The following CNTN4 variants were observed in gnomAD, a reference collection of about 807,000 sequenced individuals.
CNTN4 encodes contactin-4.
In CNTN4, 77 loss-of-function variants were observed where a neutral mutation model predicts 122.5. The observed-to-expected ratio is 0.63, with a 90% CI of 0.52 to 0.76. CNTN4 has a LOEUF of 0.76. Ranked by LOEUF, CNTN4 falls within the 30% of genes least tolerant of loss-of-function variation. The pLI is 0.00. For synonymous variants in CNTN4, 512 were observed against 447.0 expected, an observed-to-expected ratio of 1.15 and a Z score of -1.83; for missense variants, 1,256 against 1,259.1, an observed-to-expected ratio of 1.00 and a Z score of 0.04.
At chr3:2,318,646 G>GTGTGT (rs1050749289) in intron 2 of CNTN4, among the ~76,000 whole-genome samples, 8 of 151,964 alleles carry the variant, frequency 5.3e-5, no homozygotes, top group African/African-American at 1.9e-4. Flanking sequence ...GTGTATGCAT[G>GTGTGT]TGTGTTGTGT....
chr3:2,681,575 G>A (rs2600285), intron 4 of CNTN4, among the ~76,000 whole-genome samples: 69,903 of 151,894 alleles, frequency 0.46, 17,888 homozygotes, highest in African/African-American at 0.69. Context: ...TAAATACCTA[G>A]ATATGTAGGT....
intron 4 of CNTN4, among the ~76,000 whole-genome samples, chr3:2,642,820 A>G (rs969645476): frequency 5.3e-5 from 8 of 152,248 alleles, no homozygotes; most frequent in African/African-American, 1.9e-4. Flanking sequence ...CCACTTGTTG[A>G]AACTTTGTCT....
In CNTN4 at chr3:2,745,663, A is replaced by C. The variant is rs538037892; in HGVS notation, c.324A>C (p.Thr108=). The part of the protein sequence containing the change: ...YQCTATNSFG[T]IVSREAKLQF... ...GCACAGCGACAAACTCGTTTGGAACAATTGTTAGCAGAGAAGCAAAGCTTC... is the reference window on the plus strand; with the variant it reads ...GCACAGCGACAAACTCGTTTGGAACCATTGTTAGCAGAGAAGCAAAGCTTC... The change falls in exon 6 of 25, where the codon ACA becomes ACC. Residue 108 remains threonine, a synonymous_variant. Coordinates refer to ENST00000418658, the MANE Select transcript of CNTN4 (RefSeq NM_175607.3). 34 of 1,614,152 alleles carry C rather than the reference A, an allele frequency of 2.1e-5. No individual in the cohort carries two copies. In the East Asian group the frequency reaches 6.7e-4, roughly 32 times the overall value.
At chr3:3,018,276 G>A (rs1697950595) in intron 14 of CNTN4, among the ~76,000 whole-genome samples, 2 of 152,102 alleles carry the variant, frequency 1.3e-5, no homozygotes, top group African/African-American at 2.4e-5. Context: ...TAAATTTTAG[G>A]GAACTGATAC....
intron 2 of CNTN4, among the ~76,000 whole-genome samples, chr3:2,173,458 T>A (rs565020321): frequency 6.6e-6 from 1 of 152,238 alleles, no homozygotes; most frequent in Non-Finnish European, 1.5e-5. Flanking sequence ...CTTCAGAGTT[T>A]CCACAGTATT....
intron 3 of CNTN4, among the ~76,000 whole-genome samples, chr3:2,531,704 T>C (rs538897156): frequency 3.9e-5 from 6 of 152,180 alleles, no homozygotes; most frequent in Non-Finnish European, 8.8e-5. Context: ...TCCCCTGCTT[T>C]ATATTGTCTT....
intron 2 of CNTN4, among the ~76,000 whole-genome samples, chr3:2,258,854 G>A (rs966078727): frequency 6.6e-6 from 1 of 152,074 alleles, no homozygotes; most frequent in Middle Eastern, 3.4e-3. Context: ...ATTTATGAGG[G>A]CAGAAAACTT....
intron 3 of CNTN4, among the ~76,000 whole-genome samples, chr3:2,433,827 T>G (rs938230185): frequency 6.6e-6 from 1 of 152,196 alleles, no homozygotes; most frequent in Non-Finnish European, 1.5e-5. Flanking sequence ...CCAATTTCAT[T>G]CTACTTGCGA....
At chr3:2,925,252 G>A in intron 12 of CNTN4, among the ~76,000 whole-genome samples, 1 of 152,172 alleles carries the variant, frequency 6.6e-6, no homozygotes, top group East Asian at 1.9e-4. Flanking sequence ...GTAGCAATAA[G>A]TGTATTAGAG....
chr3:2,679,290 A>G (rs1453135778), intron 4 of CNTN4, among the ~76,000 whole-genome samples: 1 of 152,158 alleles, frequency 6.6e-6, no homozygotes, highest in Non-Finnish European at 1.5e-5. Context: ...TAATTATTGG[A>G]ATACCTTGAA....
At chr3:2,334,843 T>A (rs1190794128) in intron 2 of CNTN4, among the ~76,000 whole-genome samples, 1 of 152,168 alleles carries the variant, frequency 6.6e-6, no homozygotes, top group Non-Finnish European at 1.5e-5. Context: ...ACATGTTCGT[T>A]AGAATTATTT....
intron 2 of CNTN4, among the ~76,000 whole-genome samples, chr3:2,170,148 C>T (rs565396640): frequency 2.1e-4 from 31 of 151,156 alleles, no homozygotes; most frequent in African/African-American, 4.9e-4. Flanking sequence ...GGTGAAACCC[C>T]GTCTCTACTA....
intron 6 of CNTN4, among the ~76,000 whole-genome samples, chr3:2,794,890 G>A (rs936762236): frequency 5.9e-5 from 9 of 152,138 alleles, no homozygotes; most frequent in African/African-American, 2.2e-4. Context: ...AGCTCTGTCG[G>A]GCCTATTAGG....
intron 13 of CNTN4, among the ~76,000 whole-genome samples, chr3:2,976,025 A>T (rs1409159769): frequency 6.6e-6 from 1 of 152,222 alleles, no homozygotes; most frequent in African/African-American, 2.4e-5. Context: ...AACAAATTTT[A>T]GGCAAAATGA....
intron 15 of CNTN4, among the ~76,000 whole-genome samples, chr3:3,029,913 C>G (rs1403960268): frequency 6.6e-6 from 1 of 152,086 alleles, no homozygotes; most frequent in Non-Finnish European, 1.5e-5. Flanking sequence ...GGAGAAATAG[C>G]AACACAAGAG....
rs778287174 is a variant in CNTN4, at chr3:3,040,102, T to A, written c.2229T>A (p.Gly743=). The change falls in exon 20 of 25, where the codon GGT becomes GGA. Residue 743 remains glycine (G), a synonymous_variant. Coordinates refer to ENST00000418658, the MANE Select transcript of CNTN4 (RefSeq NM_175607.3). ...FGYVVAFRPY[G]KMIWMLTVLA... Reference sequence around the variant, plus strand: ...ATGTGGTGGCCTTCCGGCCCTACGGTAAAATGATCTGGATGCTGACAGTGC... The same window carrying A: ...ATGTGGTGGCCTTCCGGCCCTACGGAAAAATGATCTGGATGCTGACAGTGC... 18 of 1,614,062 alleles carry A rather than the reference T, an allele frequency of 1.1e-5. No homozygotes were observed. Among genetic ancestry groups the A allele is most frequent in the Non-Finnish European group, 8.5e-7 (1 of 1,179,998 alleles).
At chr3:2,283,615 G>A (rs1406898716) in intron 2 of CNTN4, among the ~76,000 whole-genome samples, 1 of 152,068 alleles carries the variant, frequency 6.6e-6, no homozygotes, top group Non-Finnish European at 1.5e-5. Context: ...AACTTGTTTT[G>A]GAAGGATACA....
At chr3:2,354,783 C>A (rs908708668) in intron 3 of CNTN4, among the ~76,000 whole-genome samples, 10 of 152,108 alleles carry the variant, frequency 6.6e-5, no homozygotes, top group African/African-American at 2.4e-4. Flanking sequence ...CTGTGGCATG[C>A]CAGCTCTCCC....
chr3:2,233,854 C>T (rs2039580453), intron 2 of CNTN4, among the ~76,000 whole-genome samples: 1 of 152,146 alleles, frequency 6.6e-6, no homozygotes, highest in African/African-American at 2.4e-5. Flanking sequence ...AGTGAATTTT[C>T]CTTTCTCAGA....
Sources: allele counts gnomAD v4.1 joint callset (sites outside exome capture counted in the v4.1 genomes callset), GRCh38; gene constraint gnomAD v4.1.1; transcripts MANE v1.5; gene names NCBI Gene and HGNC (gene_info 2026-07-23, HGNC 2026-07-21).